Variants in SLC30A8 observed in about 807,000 individuals in gnomAD.
SLC30A8 encodes the protein proton-coupled zinc antiporter SLC30A8.
SLC30A8 carries 27 observed loss-of-function variants against 36.9 expected under a neutral mutation model. The ratio of observed to expected loss-of-function variants is 0.73; its 90% CI spans 0.54 to 1.01. The LOEUF is 1.01. SLC30A8 is among the 50% of genes least tolerant of loss of function. The pLI, the probability that SLC30A8 is intolerant of heterozygous loss-of-function variation, is 0.00. For synonymous variants in SLC30A8, 164 were observed against 172.4 expected, an observed-to-expected ratio of 0.95 and a Z score of 0.38; for missense variants, 439 against 452.0, an observed-to-expected ratio of 0.97 and a Z score of 0.26.
intron 1 of SLC30A8, among the ~76,000 whole-genome samples, chr8:117,034,958 A>C (rs980739517): frequency 6.6e-6 from 1 of 152,118 alleles, no homozygotes; most frequent in Non-Finnish European, 1.5e-5. Flanking sequence ...ACTCACTAAC[A>C]TGAGAACAGC....
chr8:117,006,263 T>TG (rs1586388358), intron 1 of SLC30A8, among the ~76,000 whole-genome samples: 2 of 152,164 alleles, frequency 1.3e-5, no homozygotes. Context: ...TACAAAGTCT[T>TG]GGGGGAGGCA....
chr8:117,152,910 A>G (rs6469675), intron 2 of SLC30A8, 34 bp from the exon 3 acceptor site: 430,484 of 1,456,850 alleles, frequency 0.3, 71,357 homozygotes, highest in African/African-American at 0.7. Flanking sequence ...GCATTCTGGG[A>G]CCTTAACACA....
At chr8:117,073,443 G>A (rs1586470690) in intron 2 of SLC30A8, among the ~76,000 whole-genome samples, 1 of 151,878 alleles carries the variant, frequency 6.6e-6, no homozygotes, top group South Asian at 2.1e-4. Context: ...TATTTTTAGT[G>A]GAGATGGGGT....
chr8:117,060,946 T>C (rs1818008405), intron 2 of SLC30A8, among the ~76,000 whole-genome samples: 1 of 150,446 alleles, frequency 6.6e-6, no homozygotes, highest in Non-Finnish European at 1.5e-5. Flanking sequence ...TTGTCTTCTG[T>C]TTTTTTTTCT....
intron 1 of SLC30A8, among the ~76,000 whole-genome samples, chr8:116,992,546 TG>T (rs1815679338): frequency 6.6e-6 from 1 of 151,746 alleles, no homozygotes; most frequent in African/African-American, 2.4e-5. Context: ...TTTATGGAAG[TG>T]TCATGGGTGG....
chr8:116,996,133 C>T lies in SLC30A8; in HGVS notation c.-265-43086C>T, dbSNP rs1346568729. The stretch of plus-strand genomic sequence containing the variant: ...ATTCCTTTACCATCCACACCACCAG[C>T]CCCAGTTAGTCGCTACCCATGACAA... On this transcript the variant is annotated intron_variant, in intron 1 of 10. Coordinates refer to the SLC30A8 transcript ENST00000427715. 3.5e-4 allele frequency among the ~76,000 whole-genome samples: 54 copies of T among 152,176 alleles called. 1 individual carries two copies. Among genetic ancestry groups the T allele is most frequent in the Admixed American group, 3.5e-3 (54 of 15,278 alleles).
chr8:117,001,542 A>C (rs905131997), intron 1 of SLC30A8, among the ~76,000 whole-genome samples: 9 of 152,198 alleles, frequency 5.9e-5, no homozygotes. Context: ...CAACATGCCA[A>C]ATGGCTGACT....
chr8:117,155,831 G>A (rs1474968784), intron 3 of SLC30A8, among the ~76,000 whole-genome samples: 2 of 152,040 alleles, frequency 1.3e-5, no homozygotes, highest in East Asian at 3.9e-4. Flanking sequence ...GGTTTTCTGG[G>A]AAACTTTGTC....
chr8:117,170,746 T>C (rs930389085), intron 6 of SLC30A8, among the ~76,000 whole-genome samples: 1 of 152,160 alleles, frequency 6.6e-6, no homozygotes, highest in African/African-American at 2.4e-5. Flanking sequence ...TATATAAAGA[T>C]AGTTGGAAAA....
At chr8:117,119,620 ATTAAGT>A (rs1452489267) in intron 2 of SLC30A8, among the ~76,000 whole-genome samples, 6 of 151,952 alleles carry the variant, frequency 3.9e-5, no homozygotes, top group East Asian at 3.9e-4. Context: ...ATGCATAATC[ATTAAGT>A]TTAAGTTTTA....
chr8:116,996,852 A>G (rs1815837724), intron 1 of SLC30A8, among the ~76,000 whole-genome samples: 1 of 152,182 alleles, frequency 6.6e-6, no homozygotes, highest in South Asian at 2.1e-4. Context: ...GAATATTGTC[A>G]TCAGAAGAAA....
intron 3 of SLC30A8, among the ~76,000 whole-genome samples, chr8:117,155,264 T>C (rs1254918148): frequency 2.0e-5 from 3 of 152,260 alleles, no homozygotes; most frequent in Non-Finnish European, 2.9e-5. Context: ...TATTGAGCTT[T>C]ACCTCGCCAG....
chr8:117,156,187 A>G (rs1000442279), intron 3 of SLC30A8, among the ~76,000 whole-genome samples: 21 of 151,932 alleles, frequency 1.4e-4, no homozygotes, highest in Non-Finnish European at 2.5e-4. Context: ...TTACAGGTGC[A>G]CATCACCATG....
intron 6 of SLC30A8, 136 bp from the exon 7 acceptor site, chr8:117,170,898 T>G: frequency 1.4e-6 from 1 of 698,012 alleles, no homozygotes. Context: ...ATCTTATTTG[T>G]AAACATTTGA....
At chr8:117,117,947 C>G (rs1165769016) in intron 2 of SLC30A8, among the ~76,000 whole-genome samples, 1 of 151,830 alleles carries the variant, frequency 6.6e-6, no homozygotes, top group Non-Finnish European at 1.5e-5. Context: ...AAATAGTGTT[C>G]TGGAAAAGGC....
intron 1 of SLC30A8, among the ~76,000 whole-genome samples, chr8:116,968,313 T>C (rs1049620543): frequency 2.7e-5 from 4 of 150,260 alleles, no homozygotes; most frequent in East Asian, 1.9e-4. Context: ...ATAGCTATAC[T>C]ATAATAATAT....
chr8:117,045,838 C>T (rs1156596107), intron 2 of SLC30A8, among the ~76,000 whole-genome samples: 1 of 152,074 alleles, frequency 6.6e-6, no homozygotes, highest in Non-Finnish European at 1.5e-5. Context: ...TCAGACCAGC[C>T]GATGGCCCCG....
chr8:116,974,734 A>T (rs1814921812), intron 1 of SLC30A8, among the ~76,000 whole-genome samples: 1 of 152,096 alleles, frequency 6.6e-6, no homozygotes, highest in Non-Finnish European at 1.5e-5. Flanking sequence ...AGACACATGC[A>T]CACGTATGTT....
chr8:116,996,216 A>T (rs1445772163), intron 1 of SLC30A8, among the ~76,000 whole-genome samples: 1 of 152,108 alleles, frequency 6.6e-6, no homozygotes, highest in African/African-American at 2.4e-5. Flanking sequence ...TCTAAAAGAG[A>T]TCTTAGACAT....
Sources: allele counts gnomAD v4.1 joint callset (sites outside exome capture counted in the v4.1 genomes callset), GRCh38; gene constraint gnomAD v4.1.1; transcripts MANE v1.5; gene names NCBI Gene and HGNC (gene_info 2026-07-23, HGNC 2026-07-21).